NDUFAF2: variants seen among roughly 807,000 people sequenced by gnomAD.
NDUFAF2 encodes NADH:ubiquinone oxidoreductase complex assembly factor 2, also known as NADH dehydrogenase [ubiquinone] 1 alpha subcomplex assembly factor 2.
In NDUFAF2, 13 loss-of-function variants were observed where a neutral mutation model predicts 22.8. The observed-to-expected ratio is 0.57, with a 90% confidence interval of 0.37 to 0.91. NDUFAF2 has a LOEUF of 0.91. NDUFAF2 is among the 40% of genes least tolerant of loss of function. The pLI, the probability that NDUFAF2 is intolerant of heterozygous loss-of-function variation, is 0.01. For missense variants in NDUFAF2, 162 were observed against 195.2 expected (o/e 0.83, Z 1.01); for synonymous variants, 53 against 64.2 (o/e 0.83, Z 0.84).
chr5:61,128,086 A>G (rs1166958708), intron 3 of NDUFAF2, among the ~76,000 whole-genome samples: 1 of 152,224 alleles, frequency 6.6e-6, no homozygotes, highest in African/African-American at 2.4e-5. Context: ...AATCCAACTT[A>G]CAAGGGATGT....
intron 1 of NDUFAF2, among the ~76,000 whole-genome samples, chr5:61,038,112 GA>G (rs34342498): frequency 6.7e-6 from 1 of 149,618 alleles, no homozygotes; most frequent in Non-Finnish European, 1.5e-5. Flanking sequence ...GAGAGAGAGA[GA>G]GAGGGAGAGA....
At chr5:60,981,100 GC>G (rs1227055308) in intron 1 of NDUFAF2, among the ~76,000 whole-genome samples, 7 of 152,102 alleles carry the variant, frequency 4.6e-5, no homozygotes, top group African/African-American at 1.7e-4. Flanking sequence ...CAACAACTAA[GC>G]AGGTTTAACC....
intron 1 of NDUFAF2, among the ~76,000 whole-genome samples, chr5:60,948,504 G>A (rs1469259332): frequency 6.6e-6 from 1 of 151,566 alleles, no homozygotes; most frequent in Non-Finnish European, 1.5e-5. Flanking sequence ...GAGACAGTGC[G>A]CCTGGCTAGA....
intron 1 of NDUFAF2, among the ~76,000 whole-genome samples, chr5:61,028,680 A>T: frequency 6.6e-6 from 1 of 152,052 alleles, no homozygotes; most frequent in East Asian, 1.9e-4. Flanking sequence ...ATCCTTTTCA[A>T]CTCATGCTTT....
rs761626976 is a variant in NDUFAF2, at chr5:61,029,981, G to A, written c.128-43144G>A. On this transcript the variant is annotated intron_variant, in intron 1 of 3. Coordinates refer to ENST00000296597, the MANE Select transcript of NDUFAF2 (RefSeq NM_174889.5). The stretch of plus-strand genomic sequence containing the variant: ...ACTATGGTGACCCAGCAAAAGCCTG[G>A]GTGACCATGGAAGTAGTCTGTATTA... Among the ~76,000 whole-genome samples, 4 of 152,052 alleles carry A rather than the reference G, an allele frequency of 2.6e-5. No homozygotes were observed. In the South Asian group the frequency reaches 6.2e-4, roughly 24 times the overall value.
At chr5:61,011,188 T>C (rs1325791341) in intron 1 of NDUFAF2, among the ~76,000 whole-genome samples, 2 of 152,172 alleles carry the variant, frequency 1.3e-5, no homozygotes, top group Non-Finnish European at 2.9e-5. Flanking sequence ...TATGAGGTTT[T>C]TCCTGTGTTT....
intron 3 of NDUFAF2, among the ~76,000 whole-genome samples, chr5:61,100,155 G>C (rs1359502438): frequency 6.6e-6 from 1 of 152,062 alleles, no homozygotes; most frequent in East Asian, 1.9e-4. Context: ...TATGATCCAG[G>C]ATTCAGAAGT....
intron 1 of NDUFAF2, among the ~76,000 whole-genome samples, chr5:60,951,904 G>A (rs928619763): frequency 1.7e-4 from 26 of 151,654 alleles, no homozygotes; most frequent in African/African-American, 5.3e-4. Flanking sequence ...TCTTTGGCAG[G>A]TATAAGACTA....
At chr5:61,121,392 A>G (rs941355252) in intron 3 of NDUFAF2, among the ~76,000 whole-genome samples, 5 of 152,118 alleles carry the variant, frequency 3.3e-5, no homozygotes, top group African/African-American at 1.2e-4. Context: ...TGGGAAATCA[A>G]ATTGATGGGT....
rs545996442 is a variant in NDUFAF2 at position 60,991,994 on chromosome 5, G to A, written c.127+46612G>A. On this transcript the variant is annotated intron_variant, in intron 1 of 3. Transcript: ENST00000296597. ...GTCTTGGATATAAGCCATTTTAACTGGGGTGACATGATGTCTTATTGTAGT... is the reference window on the plus strand; with the variant it reads ...GTCTTGGATATAAGCCATTTTAACTAGGGTGACATGATGTCTTATTGTAGT... Among the ~76,000 whole-genome samples the A allele has an allele frequency of 3.3e-5, 5 of 152,242 alleles. No homozygotes were observed. In the East Asian group the frequency reaches 9.6e-4, roughly 29 times the overall value.
At chr5:60,952,194 T>C (rs977372134) in intron 1 of NDUFAF2, among the ~76,000 whole-genome samples, 2 of 152,024 alleles carry the variant, frequency 1.3e-5, no homozygotes, top group African/African-American at 4.8e-5. Flanking sequence ...GTAAGTTTTT[T>C]CCATTGGTTT....
intron 2 of NDUFAF2, among the ~76,000 whole-genome samples, chr5:61,088,477 G>A (rs1416958303): frequency 1.3e-5 from 2 of 152,050 alleles, no homozygotes; most frequent in Non-Finnish European, 2.9e-5. Flanking sequence ...ACAGACTGGG[G>A]AACTTTTATA....
At chr5:61,076,133 C>T (rs1038659614) in intron 2 of NDUFAF2, among the ~76,000 whole-genome samples, 14 of 152,196 alleles carry the variant, frequency 9.2e-5, no homozygotes, top group African/African-American at 2.9e-4. Context: ...TGCAGTGGCG[C>T]GATCTTGGCT....
At chr5:61,088,369 G>A (rs13168191) in intron 2 of NDUFAF2, among the ~76,000 whole-genome samples, 91,152 of 151,694 alleles carry the variant, frequency 0.6, 28,141 homozygotes, top group East Asian at 0.94. Flanking sequence ...TAATACAAAT[G>A]TATGAGTACC....
chr5:61,053,216 C>G (rs1286203000), intron 1 of NDUFAF2, among the ~76,000 whole-genome samples: 1 of 152,234 alleles, frequency 6.6e-6, no homozygotes, highest in Non-Finnish European at 1.5e-5. Context: ...CCTGAACATT[C>G]ACCCAGCACT....
At chr5:61,126,963 G>A (rs908835482) in intron 3 of NDUFAF2, among the ~76,000 whole-genome samples, 2 of 151,978 alleles carry the variant, frequency 1.3e-5, no homozygotes, top group East Asian at 1.9e-4. Flanking sequence ...TATCACCACC[G>A]ATCCCACAGA....
At position 61,015,500 on chromosome 5, in the gene NDUFAF2, TTGAACTCC is replaced by T. The variant is rs201017315; in HGVS notation, c.128-57621_128-57614del. The stretch of plus-strand genomic sequence containing the variant: ...TTTCACTATGTTGGCCAGGCTGGTC[TTGAACTCC>T]TGACCTCAAGTGATCCTCTCACCTC... On this transcript the variant is annotated intron_variant, in intron 1 of 3. Transcript: ENST00000296597. 1.3e-4 allele frequency among the ~76,000 whole-genome samples: 20 copies of T among 152,254 alleles called. No homozygotes were observed. The East Asian group carries it at 3.9e-3, about 29-fold the overall frequency.
intron 2 of NDUFAF2, among the ~76,000 whole-genome samples, chr5:61,096,179 A>C (rs767887618): frequency 6.6e-6 from 1 of 152,278 alleles, no homozygotes. Flanking sequence ...TTAAAGTACC[A>C]CCTCTTTTAT....
In NDUFAF2 at chr5:61,041,290, A is replaced by C. The variant is rs112046831; in HGVS notation, c.128-31835A>C. 2.5e-3 allele frequency among the ~76,000 whole-genome samples: 374 copies of C among 152,232 alleles called. 8 individuals are homozygous for C. Among genetic ancestry groups the C allele is most frequent in the African/African-American group, 8.7e-3 (363 of 41,554 alleles). ...AACATATTCTCCATTTACTAGTATA[A>C]TTTTTATCTCTCTTTAAATAGAAGT... On this transcript the variant is annotated intron_variant, in intron 1 of 3. Coordinates refer to ENST00000296597, the MANE Select transcript of NDUFAF2 (RefSeq NM_174889.5).
Sources: allele counts gnomAD v4.1 joint callset (sites outside exome capture counted in the v4.1 genomes callset), GRCh38; gene constraint gnomAD v4.1.1; transcripts MANE v1.5; gene names NCBI Gene and HGNC (gene_info 2026-07-23, HGNC 2026-07-21).